C10orf67: variants seen among roughly 807,000 people sequenced by gnomAD.
C10orf67 encodes chromosome 10 open reading frame 67.
Under a neutral mutation model 35.6 loss-of-function variants are expected in C10orf67, and 60 were observed. That is an observed-to-expected ratio of 1.68 (90% CI 1.37 to 2.09). The LOEUF is 2.09. C10orf67 is among the 30% of genes most tolerant of loss of function. C10orf67 has a pLI of 0.00. For synonymous variants in C10orf67, 167 were observed against 115.8 expected, an observed-to-expected ratio of 1.44 and a Z score of -2.84; for missense variants, 474 against 330.2, an observed-to-expected ratio of 1.44 and a Z score of -3.38.
rs76566876 is a variant in C10orf67, at chr10:23,306,768, G to A, written c.547-3309C>T. 3.2e-3 allele frequency among the ~76,000 whole-genome samples: 488 copies of A among 152,100 alleles called. 14 individuals carry two copies. The East Asian group carries it at 0.049, about 15-fold the overall frequency. The stretch of plus-strand genomic sequence containing the variant: ...CCCCACCCCACACACAGTAGTAACT[G>A]GAAGTATGTGTTAATTAATTTGATT... On this transcript the variant is annotated intron_variant, in intron 4 of 15. Coordinates refer to ENST00000636213, the MANE Select transcript of C10orf67 (RefSeq NM_001371909.1).
At chr10:23,296,931 C>T (rs1300372473) in intron 5 of C10orf67, among the ~76,000 whole-genome samples, 1 of 152,192 alleles carries the variant, frequency 6.6e-6, no homozygotes, top group African/African-American at 2.4e-5. Flanking sequence ...AATAATTTGG[C>T]CACCTGATGG....
intron 8 of C10orf67, among the ~76,000 whole-genome samples, chr10:23,275,326 C>T (rs1402297612): frequency 6.6e-6 from 1 of 152,096 alleles, no homozygotes; most frequent in African/African-American, 2.4e-5. Context: ...CTCTTAAAAA[C>T]AAGCAAACTA....
chr10:23,341,714 C>G (rs544779757), intron 1 of C10orf67, among the ~76,000 whole-genome samples: 1 of 152,154 alleles, frequency 6.6e-6, no homozygotes, highest in Admixed American at 6.5e-5. Flanking sequence ...CACTGGCCTC[C>G]TTGCTGCTCC....
intron 4 of C10orf67, among the ~76,000 whole-genome samples, chr10:23,308,034 G>A (rs1022014628): frequency 6.6e-6 from 1 of 151,894 alleles, no homozygotes; most frequent in Non-Finnish European, 1.5e-5. Context: ...ATTCTACTAG[G>A]GCCCTTAAGT....
chr10:23,291,040 C>T (rs1414679809), intron 6 of C10orf67, 92 bp downstream of exon 6: 9 of 603,584 alleles, frequency 1.5e-5, no homozygotes, highest in Admixed American at 6.2e-5. Flanking sequence ...AATAACCAAA[C>T]GAATGTATGT....
At chr10:23,215,346 T>C (rs546961104) in intron 15 of C10orf67, among the ~76,000 whole-genome samples, 1 of 151,596 alleles carries the variant, frequency 6.6e-6, no homozygotes, top group South Asian at 2.1e-4. Context: ...CAGGCTGGAG[T>C]GCAGTGGCAT....
chr10:23,297,867 C>T (rs1043850422), intron 5 of C10orf67, among the ~76,000 whole-genome samples: 1 of 152,232 alleles, frequency 6.6e-6, no homozygotes, highest in African/African-American at 2.4e-5. Flanking sequence ...AAGCCATTCA[C>T]ATCGTAAGAT....
At chr10:23,322,597 C>T in intron 2 of C10orf67, 60 bp from the exon 3 acceptor site, 1 of 1,143,418 alleles carries the variant, frequency 8.7e-7, no homozygotes, top group South Asian at 1.4e-5. Context: ...CCAAATACTG[C>T]ATGTTGTCAC....
At chr10:23,336,839 C>T (rs10828432) in intron 1 of C10orf67, among the ~76,000 whole-genome samples, 61,306 of 151,904 alleles carry the variant, frequency 0.4, 12,562 homozygotes, top group Admixed American at 0.45. Flanking sequence ...AAAAACCATC[C>T]TCCACTAAAA....
intron 4 of C10orf67, among the ~76,000 whole-genome samples, chr10:23,308,201 C>A (rs1203568570): frequency 3.3e-5 from 5 of 152,202 alleles, no homozygotes; most frequent in African/African-American, 1.2e-4. Flanking sequence ...CGATCTACCC[C>A]TAATTCTGTA....
intron 15 of C10orf67, among the ~76,000 whole-genome samples, chr10:23,211,806 A>G (rs924014527): frequency 6.6e-6 from 1 of 152,190 alleles, no homozygotes; most frequent in Non-Finnish European, 1.5e-5. Flanking sequence ...AAGAGAGAAC[A>G]ATGGTATAGT....
intron 13 of C10orf67, among the ~76,000 whole-genome samples, chr10:23,227,261 T>C (rs550566780): frequency 6.6e-6 from 1 of 152,328 alleles, no homozygotes; most frequent in African/African-American, 2.4e-5. Flanking sequence ...GCTTCATCCC[T>C]GGGATGCAAG....
chr10:23,262,055 G>C (rs1356231155), intron 10 of C10orf67, among the ~76,000 whole-genome samples: 1 of 152,186 alleles, frequency 6.6e-6, no homozygotes, highest in Non-Finnish European at 1.5e-5. Flanking sequence ...TAAATCCAAA[G>C]ACAGTGGTCA....
chr10:23,300,810 G>A (rs1844048502), intron 5 of C10orf67, among the ~76,000 whole-genome samples: 1 of 152,124 alleles, frequency 6.6e-6, no homozygotes, highest in East Asian at 1.9e-4. Context: ...CTGGCCTGTG[G>A]GGAATCATTC....
chr10:23,332,044 C>G (rs1179003375), intron 2 of C10orf67, among the ~76,000 whole-genome samples: 1 of 152,184 alleles, frequency 6.6e-6, no homozygotes, highest in African/African-American at 2.4e-5. Flanking sequence ...CTAATGCATA[C>G]ATCCTCTGAC....
At chr10:23,288,563 C>T (rs1328939754) in intron 7 of C10orf67, among the ~76,000 whole-genome samples, 1 of 152,086 alleles carries the variant, frequency 6.6e-6, no homozygotes, top group Admixed American at 6.5e-5. Context: ...CAAACCTGCA[C>T]ATTCTGCACA....
chr10:23,224,149 C>T (rs1296377798), intron 13 of C10orf67, among the ~76,000 whole-genome samples: 1 of 152,204 alleles, frequency 6.6e-6, no homozygotes, highest in Non-Finnish European at 1.5e-5. Flanking sequence ...GACTGACACC[C>T]CACATGGCTG....
intron 8 of C10orf67, among the ~76,000 whole-genome samples, chr10:23,277,221 T>G (rs1320122657): frequency 6.6e-6 from 1 of 152,104 alleles, no homozygotes; most frequent in Non-Finnish European, 1.5e-5. Context: ...CTACGAGAAT[T>G]TAAATATTTT....
chr10:23,248,957 C>A (rs182190642), intron 12 of C10orf67, among the ~76,000 whole-genome samples: 1 of 151,624 alleles, frequency 6.6e-6, no homozygotes, highest in Admixed American at 6.6e-5. Context: ...TAAACTCCAT[C>A]TCTACTAAAA....
Sources: allele counts gnomAD v4.1 joint callset (sites outside exome capture counted in the v4.1 genomes callset), GRCh38; gene constraint gnomAD v4.1.1; transcripts MANE v1.5; gene names NCBI Gene and HGNC (gene_info 2026-07-23, HGNC 2026-07-21).